Variants in GULP1 observed in about 807,000 individuals in gnomAD.
The protein encoded by GULP1 is GULP PTB domain containing engulfment adaptor 1.
GULP1 carries 19 observed loss-of-function variants against 40.9 expected under a neutral mutation model. The ratio of observed to expected loss-of-function variants is 0.46; its 90% confidence interval spans 0.32 to 0.68. The LOEUF is 0.68. Among genes scored for constraint, GULP1 ranks in the 30% least tolerant of loss-of-function variants. The pLI, the probability that GULP1 is intolerant of heterozygous loss-of-function variation, is 0.03. For missense variants in GULP1, 312 were observed against 362.2 expected (o/e 0.86, Z 1.12); for synonymous variants, 119 against 117.6 (o/e 1.01, Z -0.08).
rs536095855 is a variant in GULP1, at chr2:188,393,309, T to A, written c.-45+9420T>A. 2.0e-5 allele frequency among the ~76,000 whole-genome samples: 3 copies of A among 152,168 alleles called. No homozygotes were observed. The South Asian group carries it at 6.2e-4, about 32-fold the overall frequency. ...AGATTGTAATATCTTTTTGCTAGAC[T>A]GATTTTTTTATTATTATGTAATGAC... On this transcript the variant is annotated intron_variant, in intron 2 of 11. Coordinates refer to ENST00000409830, the MANE Select transcript of GULP1 (RefSeq NM_016315.4).
chr2:188,483,406 T>G, intron 3 of GULP1, 25 bp from the exon 4 acceptor site: 1 of 1,314,718 alleles, frequency 7.6e-7, no homozygotes, highest in Admixed American at 1.7e-5. Flanking sequence ...ACCTAAAATT[T>G]AACTCTGTGT....
intron 2 of GULP1, among the ~76,000 whole-genome samples, chr2:188,394,032 G>T (rs1559187839): frequency 6.6e-6 from 1 of 152,080 alleles, no homozygotes; most frequent in Non-Finnish European, 1.5e-5. Context: ...AAATCTCCCA[G>T]GAGTTCTTTG....
intron 2 of GULP1, among the ~76,000 whole-genome samples, chr2:188,384,537 A>T (rs1301665994): frequency 6.6e-6 from 1 of 151,914 alleles, no homozygotes; most frequent in Non-Finnish European, 1.5e-5. Context: ...CTCAAATCTC[A>T]TGTCCTCACA....
At chr2:188,358,616 T>C (rs1198493124) in intron 1 of GULP1, among the ~76,000 whole-genome samples, 1 of 152,114 alleles carries the variant, frequency 6.6e-6, no homozygotes, top group Non-Finnish European at 1.5e-5. Context: ...ACCCCATAAA[T>C]ATGTACAATT....
intron 9 of GULP1, among the ~76,000 whole-genome samples, chr2:188,583,259 C>T (rs375547327): frequency 6.6e-6 from 1 of 152,038 alleles, no homozygotes; most frequent in Non-Finnish European, 1.5e-5. Flanking sequence ...AATAGCAAAC[C>T]CATCATTCTC....
chr2:188,463,587 T>TGA, intron 2 of GULP1, among the ~76,000 whole-genome samples: 1 of 152,172 alleles, frequency 6.6e-6, no homozygotes. Context: ...ATTATCCCTT[T>TGA]CTACTCCTAT....
chr2:188,501,961 AC>A (rs2063475301), intron 4 of GULP1, among the ~76,000 whole-genome samples: 1 of 151,706 alleles, frequency 6.6e-6, no homozygotes, highest in South Asian at 2.1e-4. Flanking sequence ...TTGTGTTTTT[AC>A]CTCTGTCGCA....
chr2:188,587,791 A>C (rs1702706240), intron 10 of GULP1, 64 bp from the exon 11 acceptor site: 1 of 861,946 alleles, frequency 1.2e-6, no homozygotes, highest in Non-Finnish European at 1.9e-6. Context: ...CCTGCCTTTG[A>C]AATCTAACTA....
At chr2:188,399,690 GAAAAA>G (rs55877284) in intron 2 of GULP1, among the ~76,000 whole-genome samples, 29 of 64,682 alleles carry the variant, frequency 4.5e-4, no homozygotes, top group African/African-American at 1.6e-3. Flanking sequence ...GTCCCTACAA[GAAAAA>G]AAAAAAAAAA....
chr2:188,457,896 A>G (rs1268010093), intron 2 of GULP1, among the ~76,000 whole-genome samples: 1 of 152,128 alleles, frequency 6.6e-6, no homozygotes, highest in Non-Finnish European at 1.5e-5. Flanking sequence ...CAGTCATCAT[A>G]AGGTCATTAT....
intron 1 of GULP1, among the ~76,000 whole-genome samples, chr2:188,304,189 T>C (rs1426150854): frequency 6.6e-6 from 1 of 152,178 alleles, no homozygotes; most frequent in African/African-American, 2.4e-5. Context: ...ATCTAGATAA[T>C]TCAATTTCCA....
At chr2:188,310,730 C>T (rs1253877625) in intron 1 of GULP1, among the ~76,000 whole-genome samples, 1 of 151,912 alleles carries the variant, frequency 6.6e-6, no homozygotes, top group East Asian at 1.9e-4. Context: ...AAGTCATACC[C>T]CTGAGAGCAC....
At chr2:188,573,191 G>A (rs1436398062) in intron 9 of GULP1, among the ~76,000 whole-genome samples, 1 of 152,064 alleles carries the variant, frequency 6.6e-6, no homozygotes, top group African/African-American at 2.4e-5. Context: ...TTGCTAATGT[G>A]TTTCCTATTA....
At chr2:188,537,551 A>G (rs574013300) in intron 6 of GULP1, among the ~76,000 whole-genome samples, 21 of 152,216 alleles carry the variant, frequency 1.4e-4, no homozygotes, top group African/African-American at 5.1e-4. Flanking sequence ...GTTGTTTTGA[A>G]TTAATTTTTT....
intron 2 of GULP1, among the ~76,000 whole-genome samples, chr2:188,401,381 T>C (rs2052270893): frequency 6.6e-6 from 1 of 152,200 alleles, no homozygotes; most frequent in Admixed American, 6.5e-5. Flanking sequence ...ATGTAGTGGC[T>C]ATTTCTGGGT....
chr2:188,476,484 C>G (rs1462841210), intron 2 of GULP1, among the ~76,000 whole-genome samples: 2 of 151,978 alleles, frequency 1.3e-5, no homozygotes, highest in African/African-American at 4.8e-5. Flanking sequence ...ACATGAGTTT[C>G]CTTTGATTTC....
chr2:188,466,986 A>C (rs2060181183), intron 2 of GULP1, among the ~76,000 whole-genome samples: 1 of 152,114 alleles, frequency 6.6e-6, no homozygotes, highest in Non-Finnish European at 1.5e-5. Flanking sequence ...GAAAAAAAAA[A>C]GTAGCAGCTG....
intron 1 of GULP1, among the ~76,000 whole-genome samples, chr2:188,315,678 A>G (rs1336548395): frequency 2.0e-5 from 3 of 152,130 alleles, no homozygotes; most frequent in African/African-American, 7.2e-5. Flanking sequence ...GAAACCACAG[A>G]TAGTATGTAA....
intron 2 of GULP1, among the ~76,000 whole-genome samples, chr2:188,436,540 T>A (rs1480555497): frequency 6.6e-5 from 10 of 152,098 alleles, no homozygotes; most frequent in Non-Finnish European, 1.0e-4. Context: ...TTAGTACATT[T>A]TATTATCTAT....
Sources: allele counts gnomAD v4.1 joint callset (sites outside exome capture counted in the v4.1 genomes callset), GRCh38; gene constraint gnomAD v4.1.1; transcripts MANE v1.5; gene names NCBI Gene and HGNC (gene_info 2026-07-23, HGNC 2026-07-21).